The following GAPDH variants were observed in gnomAD, a reference collection of about 807,000 sequenced individuals.
GAPDH encodes the protein glyceraldehyde-3-phosphate dehydrogenase.
GAPDH carries 13 observed loss-of-function variants against 31.2 expected under a neutral mutation model. The ratio of observed to expected loss-of-function variants is 0.42; its 90% CI spans 0.27 to 0.66. GAPDH has a LOEUF of 0.66. Among genes scored for constraint, GAPDH ranks in the 30% least tolerant of loss-of-function variants. The probability of loss-of-function intolerance (pLI) is 0.26; values close to 1 mark genes in which losing one functional copy is unlikely to be tolerated. For synonymous variants in GAPDH, 211 were observed against 166.9 expected, an observed-to-expected ratio of 1.26 and a Z score of -2.04; for missense variants, 300 against 443.7, an observed-to-expected ratio of 0.68 and a Z score of 2.91.
At chr12:6,534,674 G>C in intron 1 of GAPDH, 105 bp downstream of exon 1, 1 of 796,116 alleles carries the variant, frequency 1.3e-6, no homozygotes, top group Non-Finnish European at 2.1e-6. Flanking sequence ...GGGCCCGGGC[G>C]GCCTCCGCAT....
At chr12:6,536,400 G>C (rs1000456643) in intron 2 of GAPDH, 94 bp from the exon 3 acceptor site, 5 of 879,242 alleles carry the variant, frequency 5.7e-6, no homozygotes, top group African/African-American at 1.6e-5. Flanking sequence ...AGGAGATGCT[G>C]CATTCGCCCT....
intron 2 of GAPDH, chr12:6,535,103 G>A (rs1326564697): frequency 3.9e-6 from 3 of 772,936 alleles, no homozygotes; most frequent in East Asian, 6.6e-5. Context: ...CCAGAAACAG[G>A]AGGTCCCTAC....
At chr12:6,535,096 G>A (rs1281559585) in intron 2 of GAPDH, 1 of 770,584 alleles carries the variant, frequency 1.3e-6, no homozygotes, top group Non-Finnish European at 1.9e-6. Context: ...CTAGTCCCCA[G>A]AAACAGGAGG....
In GAPDH at chr12:6,537,722, C is replaced by A. The variant is rs989792521; in HGVS notation, c.664C>A (p.Pro222Thr). 6.2e-7 allele frequency: 1 copy of A among 1,611,572 alleles called. No homozygotes were observed. The highest frequency in any genetic ancestry group is 8.5e-7 in the Non-Finnish European group (1 of 1,179,858). ...GAAKAVGKVI[P>T]ELNGKLTGMA... ...TGCCAAGGCTGTGGGCAAGGTCATCCCTGAGCTGAACGGGAAGCTCACTGG... is the reference window on the plus strand; with the variant it reads ...TGCCAAGGCTGTGGGCAAGGTCATCACTGAGCTGAACGGGAAGCTCACTGG... The change falls in exon 8 of 9, where the codon CCT becomes ACT. Residue 222 changes from proline to threonine, a missense_variant. Transcript: ENST00000229239. This position sits in a 1 kb window ranked among gnomAD's most constrained non-coding sequence, Gnocchi z 4.9.
At chr12:6,536,235 GC>G (rs1290067882) in intron 2 of GAPDH, among the ~76,000 whole-genome samples, 1 of 152,228 alleles carries the variant, frequency 6.6e-6, no homozygotes, top group African/African-American at 2.4e-5. Flanking sequence ...GGGTGGCAGT[GC>G]CCCACATGGC....
In GAPDH at chr12:6,537,947, G is replaced by A. The variant is rs1946523219; in HGVS notation, c.889G>A (p.Ala297Thr). The change falls in exon 8 of 9, where the codon GCT (alanine) becomes ACT (threonine). Residue 297 changes from alanine to threonine, a missense_variant. Transcript: ENST00000229239. This position sits in a 1 kb window ranked among gnomAD's most constrained non-coding sequence, Gnocchi z 4.9. ...CGACACCCACTCCTCCACCTTTGAC[G>A]CTGGGGCTGGCATTGCCCTCAACGA... is the stretch of plus-strand genomic sequence containing the variant. Reference protein sequence around the residue: ...NSDTHSSTFDAGAGIALNDHF... With the variant: ...NSDTHSSTFDTGAGIALNDHF... The A allele has an allele frequency of 1.1e-5, 17 of 1,613,944 alleles. No homozygotes were observed. The South Asian group carries it at 1.1e-4, about 10-fold the overall frequency.
In GAPDH at chr12:6,536,712, A is replaced by G; in HGVS notation, c.158A>G (p.His53Arg). The G allele has an allele frequency of 6.2e-7, 1 of 1,614,016 alleles. No individual in the cohort carries two copies. Residue 53 changes from histidine (H) to arginine (R), a missense_variant, in exon 4 of 9, where the codon CAT becomes CGT. Physicochemically the swap from His to Arg is conservative, Grantham distance 29 (BLOSUM62 0). Transcript: ENST00000229239. The stretch of plus-strand genomic sequence containing the variant: ...TACATGTTCCAATATGATTCCACCC[A>G]TGGCAAATTCCATGGCACCGTCAAG... ...MVYMFQYDST[H>R]GKFHGTVKAE...
intron 4 of GAPDH, 62 bp downstream of exon 4, chr12:6,536,852 C>T (rs754522695): frequency 6.9e-6 from 11 of 1,585,218 alleles, no homozygotes; most frequent in African/African-American, 2.7e-5. Context: ...GGTGTGGCTC[C>T]CTTGGGTATA....
chr12:6,536,810 G>C lies in GAPDH; in HGVS notation c.236+20G>C. 1 of 1,607,020 alleles carries C rather than the reference G, an allele frequency of 6.2e-7. No individual in the cohort carries two copies. The highest frequency in any genetic ancestry group is 1.7e-5 in the Admixed American group (1 of 60,010). On this transcript the variant is annotated intron_variant, in intron 4 of 8. Transcript: ENST00000229239. The stretch of plus-strand genomic sequence containing the variant: ...CCAGGAGTGAGTGGAAGACAGAATG[G>C]AAGAAATGTGCTTTGGGGAGGCAAC...
chr12:6,535,853 G>A (rs999975232), intron 2 of GAPDH, among the ~76,000 whole-genome samples: 2 of 152,198 alleles, frequency 1.3e-5, no homozygotes, highest in Non-Finnish European at 2.9e-5. Context: ...GGCCTGGGCT[G>A]GGGCTCTCTC....
chr12:6,537,087 C>G lies in GAPDH; in HGVS notation c.328-14C>G. 6.2e-7 allele frequency: 1 copy of G among 1,609,338 alleles called. No individual in the cohort carries two copies. Among genetic ancestry groups the G allele is most frequent in the South Asian group, 1.1e-5 (1 of 89,334 alleles). On this transcript the variant is annotated splice_polypyrimidine_tract_variant and intron_variant, in intron 5 of 8. Coordinates refer to ENST00000229239, the MANE Select transcript of GAPDH (RefSeq NM_002046.7). The surrounding 1 kb of genome is among the most constrained non-coding windows in gnomAD (Gnocchi z 4.9). ...CAGGACCCGGGTTCATAACTGTCTG[C>G]TTCTCTGCTGTAGGCTCATTTGCAG... is the stretch of plus-strand genomic sequence containing the variant.
At position 6,535,159 on chromosome 12, in the gene GAPDH, C is replaced by A. The variant is rs1357005628; in HGVS notation, c.29+298C>A. The stretch of plus-strand genomic sequence containing the variant: ...CGGACCCCTAGGTGGGGGACGCTTT[C>A]TTTCCTTTCGCGCTCTGCGGGGTCA... On this transcript the variant is annotated intron_variant, in intron 2 of 8. Coordinates refer to ENST00000229239, the MANE Select transcript of GAPDH (RefSeq NM_002046.7). 8.3e-6 allele frequency: 9 copies of A among 1,080,872 alleles called. No individual in the cohort carries two copies. In the Admixed American group the frequency reaches 1.6e-4, roughly 20 times the overall value. 67.0% of individuals were successfully genotyped at this position (1,080,872 alleles called of 1,614,324 possible).
At chr12:6,536,390 A>C in intron 2 of GAPDH, 104 bp from the exon 3 acceptor site, 1 of 823,792 alleles carries the variant, frequency 1.2e-6, no homozygotes, top group Non-Finnish European at 2.1e-6. Context: ...CCTGGGGGTA[A>C]GGAGATGCTG....
chr12:6,535,172 C>T (rs908277094), intron 2 of GAPDH: 57 of 1,106,492 alleles, frequency 5.2e-5, no homozygotes, highest in Non-Finnish European at 6.4e-5. Context: ...TCCTTTCGCG[C>T]TCTGCGGGGT....
rs1193480515 is a variant in GAPDH at position 6,534,660 on chromosome 12, G to T, written c.-24+91G>T. ...GGCCGGATGTGTTCGCGCCGCTGCG[G>T]GGTGGGCCCGGGCGGCCTCCGCATT... On this transcript the variant is annotated intron_variant, in intron 1 of 8. Coordinates refer to ENST00000229239, the MANE Select transcript of GAPDH (RefSeq NM_002046.7). The T allele has an allele frequency of 3.3e-5, 24 of 725,930 alleles. No homozygotes were observed. The East Asian group carries it at 4.9e-4, about 15-fold the overall frequency. The allele number at this position is 725,930 out of a possible 1,614,324, so 45.0% of individuals were successfully genotyped here.
At chr12:6,534,781 G>T in intron 1 of GAPDH, 29 bp from the exon 2 acceptor site, 1 of 1,602,660 alleles carries the variant, frequency 6.2e-7, no homozygotes, top group Non-Finnish European at 8.5e-7. Flanking sequence ...GGGGCCACTA[G>T]GCGCTCACTG....
At position 6,536,502 on chromosome 12, in the gene GAPDH, G is replaced by A; in HGVS notation, c.38G>A (p.Arg13His). 1.9e-6 allele frequency: 3 copies of A among 1,613,210 alleles called. No individual in the cohort carries two copies. Among genetic ancestry groups the A allele is most frequent in the Non-Finnish European group, 2.5e-6 (3 of 1,179,478 alleles). Residue 13 changes from arginine (R) to histidine (H), a missense_variant, in exon 3 of 9, where the codon CGT (arginine) becomes CAT (histidine). Arg to His is a conservative substitution (Grantham distance 29). Transcript: ENST00000229239. Reference protein sequence around the residue: ...KVKVGVNGFGRIGRLVTRAAF... With the variant: ...KVKVGVNGFGHIGRLVTRAAF... ...TGCCTCTTGTCTCTTAGATTTGGTC[G>A]TATTGGGCGCCTGGTCACCAGGGCT...
Position 6,537,581 on chromosome 12 carries a change from CAGA to C in GAPDH, c.526-2_526del. The C allele has an allele frequency of 6.3e-7, 1 of 1,590,936 alleles. No individual in the cohort carries two copies. The highest frequency in any genetic ancestry group is 8.5e-7 in the Non-Finnish European group (1 of 1,177,646). On this transcript the variant is annotated splice_acceptor_variant and coding_sequence_variant, in exon 8 of 9. Transcript: ENST00000229239. LOFTEE classifies it high-confidence loss of function. The surrounding 1 kb of genome is among the most constrained non-coding windows in gnomAD (Gnocchi z 4.9). ...ACGCTGCAGGGCCTCACTCCTTTTGCAGACCACAGTCCATGCCATCACTGCCAC... is the reference window on the plus strand; with the variant it reads ...ACGCTGCAGGGCCTCACTCCTTTTGCCCACAGTCCATGCCATCACTGCCAC...
intron 2 of GAPDH, among the ~76,000 whole-genome samples, chr12:6,535,960 C>T (rs1415656098): frequency 6.6e-6 from 1 of 152,178 alleles, no homozygotes; most frequent in Non-Finnish European, 1.5e-5. Flanking sequence ...AAATCAAAGC[C>T]CTGGGACTAG....
Sources: allele counts gnomAD v4.1 joint callset (sites outside exome capture counted in the v4.1 genomes callset), GRCh38; gene constraint gnomAD v4.1.1; non-coding constraint Gnocchi (gnomAD v3.1); transcripts MANE v1.5; gene names NCBI Gene and HGNC (gene_info 2026-07-23, HGNC 2026-07-21).